Variants in ADAMTSL1 observed in about 807,000 individuals in gnomAD.
ADAMTSL1 encodes ADAMTS like 1, also known as ADAMTS-like protein 1.
Under a neutral mutation model 201.8 loss-of-function variants are expected in ADAMTSL1, and 126 were observed. The ratio of observed to expected loss-of-function variants is 0.62; its 90% CI spans 0.54 to 0.72. The LOEUF (loss-of-function observed/expected upper bound fraction) is 0.72. ADAMTSL1 is among the 30% of genes least tolerant of loss of function. The pLI, the probability that ADAMTSL1 is intolerant of heterozygous loss-of-function variation, is 0.00. For missense variants in ADAMTSL1, 2,679 were observed against 2,277.8 expected, an observed-to-expected ratio of 1.18 and a Z score of -3.59; for synonymous variants, 1,121 against 903.4, an observed-to-expected ratio of 1.24 and a Z score of -4.32.
At chr9:18,096,388 A>G (rs566402665) in intron 1 of ADAMTSL1, among the ~76,000 whole-genome samples, 2 of 152,334 alleles carry the variant, frequency 1.3e-5, no homozygotes, top group South Asian at 4.1e-4. Context: ...CTTTAGACCA[A>G]CATTGTCTAA....
chr9:18,745,287 G>GGTAGT (rs1309941408), intron 15 of ADAMTSL1, among the ~76,000 whole-genome samples: 2 of 152,052 alleles, frequency 1.3e-5, no homozygotes, highest in East Asian at 3.8e-4. Flanking sequence ...TCTACTCTAA[G>GGTAGT]GTAGTTTTCT....
chr9:18,239,185 G>A (rs1414797128), intron 2 of ADAMTSL1, among the ~76,000 whole-genome samples: 2 of 152,076 alleles, frequency 1.3e-5, no homozygotes, highest in African/African-American at 4.8e-5. Context: ...TGAAGGGTAG[G>A]GTAGCTGTAA....
At chr9:18,625,791 T>G (rs1206301536) in intron 5 of ADAMTSL1, among the ~76,000 whole-genome samples, 1 of 152,230 alleles carries the variant, frequency 6.6e-6, no homozygotes, top group Non-Finnish European at 1.5e-5. Context: ...ATCTGTATGT[T>G]TTGAAATCAC....
intron 20 of ADAMTSL1, among the ~76,000 whole-genome samples, chr9:18,809,035 G>A (rs1393545239): frequency 1.3e-5 from 2 of 152,128 alleles, no homozygotes; most frequent in Non-Finnish European, 2.9e-5. Context: ...TAGGCGCCAG[G>A]CCTAGGTGAT....
chr9:18,036,410 C>G (rs960073972), intron 1 of ADAMTSL1, among the ~76,000 whole-genome samples: 2 of 152,148 alleles, frequency 1.3e-5, no homozygotes, highest in Admixed American at 1.3e-4. Flanking sequence ...ACTTTGTTCT[C>G]CATTAGACTG....
At chr9:18,170,442 A>G (rs569263267) in intron 2 of ADAMTSL1, among the ~76,000 whole-genome samples, 5 of 152,172 alleles carry the variant, frequency 3.3e-5, no homozygotes, top group Non-Finnish European at 2.9e-5. Flanking sequence ...GAGAAATATA[A>G]TTTTAGAAAG....
At chr9:18,685,339 C>T in intron 13 of ADAMTSL1, among the ~76,000 whole-genome samples, 1 of 152,194 alleles carries the variant, frequency 6.6e-6, no homozygotes, top group East Asian at 1.9e-4. Context: ...TCCATGGAAT[C>T]TGTAAAACCG....
chr9:17,935,827 A>G (rs760725568), intron 1 of ADAMTSL1, among the ~76,000 whole-genome samples: 1 of 152,166 alleles, frequency 6.6e-6, no homozygotes, highest in Non-Finnish European at 1.5e-5. Context: ...ATCTACCTTC[A>G]GTCTCGTCTC....
intron 3 of ADAMTSL1, among the ~76,000 whole-genome samples, chr9:18,545,039 C>G (rs1820391342): frequency 6.6e-6 from 1 of 152,132 alleles, no homozygotes; most frequent in African/African-American, 2.4e-5. Flanking sequence ...GCCACAATCC[C>G]CGTTATTGAA....
intron 19 of ADAMTSL1, among the ~76,000 whole-genome samples, chr9:18,778,414 GC>G (rs1167774088): frequency 2.0e-5 from 3 of 152,208 alleles, no homozygotes; most frequent in Non-Finnish European, 4.4e-5. Context: ...GTTCCAGAAA[GC>G]TTTTATTCCC....
At chr9:18,272,754 T>C (rs1045567165) in intron 2 of ADAMTSL1, among the ~76,000 whole-genome samples, 2 of 152,206 alleles carry the variant, frequency 1.3e-5, no homozygotes, top group Non-Finnish European at 2.9e-5. Flanking sequence ...CTCATCTCTC[T>C]TCAGCAGACC....
intron 21 of ADAMTSL1, among the ~76,000 whole-genome samples, chr9:18,819,455 CAAAA>C (rs11330901): frequency 5.3e-5 from 7 of 132,334 alleles, no homozygotes; most frequent in Admixed American, 7.5e-5. Flanking sequence ...GACTCTGTCT[CAAAA>C]AAAAAAAAAA....
chr9:17,985,891 C>A (rs540577270), intron 1 of ADAMTSL1, among the ~76,000 whole-genome samples: 1 of 152,116 alleles, frequency 6.6e-6, no homozygotes, highest in Admixed American at 6.6e-5. Context: ...CCTGGAGAAT[C>A]TGAAATGCGT....
intron 23 of ADAMTSL1, among the ~76,000 whole-genome samples, chr9:18,868,323 C>T (rs1323442316): frequency 1.3e-5 from 2 of 152,168 alleles, no homozygotes; most frequent in Admixed American, 1.3e-4. Context: ...TTTTTGTCCT[C>T]ATTATGTATT....
chr9:18,707,103 C>T, intron 14 of ADAMTSL1, 55 bp downstream of exon 14: 2 of 1,566,820 alleles, frequency 1.3e-6, no homozygotes, highest in South Asian at 2.4e-5. Flanking sequence ...CATTTTCTCT[C>T]TCTGCATGCA....
chr9:18,122,571 C>G (rs1210369583), intron 1 of ADAMTSL1, among the ~76,000 whole-genome samples: 2 of 151,992 alleles, frequency 1.3e-5, no homozygotes, highest in African/African-American at 2.4e-5. Context: ...CATAAATGGC[C>G]TAAGTTTTCT....
chr9:18,060,578 T>C (rs1822403868), intron 1 of ADAMTSL1, among the ~76,000 whole-genome samples: 1 of 152,164 alleles, frequency 6.6e-6, no homozygotes, highest in Admixed American at 6.5e-5. Flanking sequence ...ATGTCTATCA[T>C]TTATTTCTTA....
intron 2 of ADAMTSL1, among the ~76,000 whole-genome samples, chr9:18,380,265 A>T (rs565116167): frequency 2.0e-5 from 3 of 152,216 alleles, no homozygotes; most frequent in Non-Finnish European, 4.4e-5. Context: ...AAGATTAAAA[A>T]ATTAGAAGAA....
chr9:18,347,421 TGAA>T (rs1366130480), intron 2 of ADAMTSL1, among the ~76,000 whole-genome samples: 4 of 151,738 alleles, frequency 2.6e-5, no homozygotes, highest in African/African-American at 9.7e-5. Flanking sequence ...GGAACTGAAG[TGAA>T]GAAGAATTCT....
Sources: gnomAD v4.1 joint callset for allele counts (sites outside exome capture counted in the v4.1 genomes callset) on GRCh38, gnomAD v4.1.1 for gene constraint, MANE v1.5 for transcripts, NCBI Gene and HGNC (gene_info 2026-07-23, HGNC 2026-07-21) for gene names.